The following RAB5A variants were observed in gnomAD, a reference collection of about 807,000 sequenced individuals.
The protein encoded by RAB5A is RAB5A, member RAS oncogene family.
RAB5A carries 8 observed loss-of-function variants against 25.7 expected under a neutral mutation model. The ratio of observed to expected loss-of-function variants is 0.31; its 90% CI spans 0.18 to 0.56. The LOEUF is 0.56. Among genes scored for constraint, RAB5A ranks in the 20% least tolerant of loss-of-function variants. The probability of loss-of-function intolerance (pLI) is 0.91; values close to 1 mark genes in which losing one functional copy is unlikely to be tolerated. For missense variants in RAB5A, 192 were observed against 259.7 expected (o/e 0.74, Z 1.79); for synonymous variants, 98 against 89.8 (o/e 1.09, Z -0.52).
intron 1 of RAB5A, among the ~76,000 whole-genome samples, 194 bp from the exon 2 acceptor site, chr3:19,950,612 C>T (rs1696408499): frequency 6.6e-6 from 1 of 151,782 alleles, no homozygotes; most frequent in South Asian, 2.1e-4. Flanking sequence ...TGAGGTTAGC[C>T]TTTAAAAAAA....
At chr3:19,969,044 GGT>G (rs1491346915) in intron 2 of RAB5A, among the ~76,000 whole-genome samples, 2,981 of 65,436 alleles carry the variant, frequency 0.046, 165 homozygotes, top group African/African-American at 0.23. Flanking sequence ...TTTTTTTTTT[GGT>G]TTTTTTTTTT....
At chr3:19,973,683 T>G (rs530658375) in intron 2 of RAB5A, among the ~76,000 whole-genome samples, 1 of 152,196 alleles carries the variant, frequency 6.6e-6, no homozygotes, top group Non-Finnish European at 1.5e-5. Flanking sequence ...ACAATGTGAT[T>G]AATGAGAATT....
At chr3:19,958,918 G>C (rs1696544199) in intron 2 of RAB5A, among the ~76,000 whole-genome samples, 1 of 152,090 alleles carries the variant, frequency 6.6e-6, no homozygotes, top group Non-Finnish European at 1.5e-5. Context: ...CAACCTGGGT[G>C]ACAGAGCGAG....
At chr3:19,948,147 C>T (rs1408132864) in intron 1 of RAB5A, among the ~76,000 whole-genome samples, 1 of 152,176 alleles carries the variant, frequency 6.6e-6, no homozygotes, top group Non-Finnish European at 1.5e-5. Context: ...CCGCTGAACT[C>T]CTTCACTGGG....
chr3:19,956,408 C>T lies in RAB5A; in HGVS notation c.163+5347C>T, dbSNP rs866802235. On this transcript the variant is annotated intron_variant, in intron 2 of 5. Transcript: ENST00000273047. The stretch of plus-strand genomic sequence containing the variant: ...AGCGGAGGTTGCAGTGAGCCGAGAT[C>T]GCGCCATTGCACTCCAGCCTGGGCG... 4.5e-4 allele frequency among the ~76,000 whole-genome samples: 68 copies of T among 152,274 alleles called. 1 individual carries two copies. The highest frequency in any genetic ancestry group is 2.6e-3 in the Admixed American group (40 of 15,300).
At chr3:19,965,851 C>T (rs1049848127) in intron 2 of RAB5A, among the ~76,000 whole-genome samples, 1 of 151,926 alleles carries the variant, frequency 6.6e-6, no homozygotes, top group East Asian at 1.9e-4. Flanking sequence ...CCCACCAACC[C>T]CCCGCCCAGT....
At chr3:19,948,847 A>AT (rs1696376392) in intron 1 of RAB5A, among the ~76,000 whole-genome samples, 1 of 152,168 alleles carries the variant, frequency 6.6e-6, no homozygotes, top group African/African-American at 2.4e-5. Flanking sequence ...GTTTTCTTAA[A>AT]TAAAAAGACA....
At chr3:19,968,764 T>C (rs983495885) in intron 2 of RAB5A, among the ~76,000 whole-genome samples, 35 of 152,046 alleles carry the variant, frequency 2.3e-4, no homozygotes, top group African/African-American at 8.2e-4. Flanking sequence ...TGCCCGGCCT[T>C]ACTTCCAATT....
chr3:19,974,740 T>A (rs376805456), intron 2 of RAB5A, among the ~76,000 whole-genome samples: 51 of 57,382 alleles, frequency 8.9e-4, no homozygotes, highest in African/African-American at 3.2e-3. Flanking sequence ...AAAAAAAAGA[T>A]AATATAACAA....
intron 2 of RAB5A, among the ~76,000 whole-genome samples, chr3:19,959,444 TTA>T (rs757978782): frequency 4.2e-4 from 47 of 111,122 alleles, no homozygotes; most frequent in African/African-American, 6.0e-4. Context: ...ATGTACTAAT[TTA>T]TATATATATA....
chr3:19,975,949 A>T, intron 3 of RAB5A, 98 bp from the exon 4 acceptor site: 1 of 1,458,006 alleles, frequency 6.9e-7, no homozygotes, highest in Non-Finnish European at 9.2e-7. Flanking sequence ...TTTCTTTCCC[A>T]CAGTCACTTG....
intron 2 of RAB5A, among the ~76,000 whole-genome samples, chr3:19,963,002 G>A (rs1003548061): frequency 2.0e-5 from 3 of 151,950 alleles, no homozygotes; most frequent in Non-Finnish European, 4.4e-5. Flanking sequence ...TGTAGAGAAG[G>A]GTTCTCATGT....
Position 19,947,266 on chromosome 3 carries a change from C to CCGG in RAB5A, c.-330_-328dup, listed in dbSNP as rs67898127. On this transcript the variant is annotated 5_prime_UTR_variant, in exon 1 of 6. Transcript: ENST00000273047. Reference sequence around the variant, plus strand: ...GGAAGAATTAGTCGGAACTCCAGCGCCGGCGGCGGCGGCGGCGGCGGAGGA... The same window carrying CCGG: ...GGAAGAATTAGTCGGAACTCCAGCGCCGGCGGCGGCGGCGGCGGCGGCGGAGGA... 28,714 of 182,332 alleles carry CCGG rather than the reference C, an allele frequency of 0.16. 2,330 individuals carry two copies. Among genetic ancestry groups the CCGG allele is most frequent in the Middle Eastern group, 0.17 (67 of 386 alleles). 11.3% of individuals were successfully genotyped at this position (182,332 alleles called of 1,614,324 possible). A position where few individuals can be genotyped will look rare whatever the true frequency, so the allele number is the denominator to read the frequency against.
At chr3:19,948,506 TAAC>T in intron 1 of RAB5A, among the ~76,000 whole-genome samples, 1 of 152,338 alleles carries the variant, frequency 6.6e-6, no homozygotes, top group South Asian at 2.1e-4. Context: ...ATAGAATGAA[TAAC>T]AGTTATTTTC....
At chr3:19,969,096 G>T (rs1344836625) in intron 2 of RAB5A, among the ~76,000 whole-genome samples, 1 of 147,930 alleles carries the variant, frequency 6.8e-6, no homozygotes, top group Non-Finnish European at 1.5e-5. Context: ...CCAGACTGGG[G>T]TGCAAAGGCA....
At chr3:19,955,608 T>A (rs913440753) in intron 2 of RAB5A, among the ~76,000 whole-genome samples, 6 of 152,090 alleles carry the variant, frequency 3.9e-5, no homozygotes, top group African/African-American at 1.4e-4. Context: ...TTAAAAACAT[T>A]GTTGACTGGG....
chr3:19,962,754 C>T (rs1348179757), intron 2 of RAB5A, among the ~76,000 whole-genome samples: 2 of 152,114 alleles, frequency 1.3e-5, no homozygotes, highest in Non-Finnish European at 2.9e-5. Context: ...AGTAATTTCT[C>T]ACATATTCTG....
chr3:19,962,954 A>G (rs1696609636), intron 2 of RAB5A, among the ~76,000 whole-genome samples: 1 of 152,058 alleles, frequency 6.6e-6, no homozygotes, highest in South Asian at 2.1e-4. Context: ...CTGGGACTAC[A>G]GGTATGCACC....
intron 2 of RAB5A, chr3:19,951,326 A>G (rs559755999): frequency 3.0e-6 from 1 of 328,812 alleles, no homozygotes; most frequent in Non-Finnish European, 5.6e-6. Context: ...GTCTCAAGTA[A>G]TAACATTTGA....
Sources: gnomAD v4.1 joint callset for allele counts (sites outside exome capture counted in the v4.1 genomes callset) on GRCh38, gnomAD v4.1.1 for gene constraint, MANE v1.5 for transcripts, NCBI Gene and HGNC (gene_info 2026-07-23, HGNC 2026-07-21) for gene names.